The following SORCS2 variants were observed in gnomAD, a reference collection of about 807,000 sequenced individuals.
The protein encoded by SORCS2 is VPS10 domain-containing receptor SorCS2.
A neutral mutation model predicts 141.6 loss-of-function variants in SORCS2; 100 were observed. The ratio of observed to expected loss-of-function variants is 0.71; its 90% CI spans 0.60 to 0.83. The LOEUF (loss-of-function observed/expected upper bound fraction) is 0.83, where lower values mean the gene tolerates loss of function less well. Ranked by LOEUF, SORCS2 falls within the 40% of genes least tolerant of loss-of-function variation. SORCS2 has a pLI of 0.00. For synonymous variants in SORCS2, 789 were observed against 676.9 expected, an observed-to-expected ratio of 1.17 and a Z score of -2.57; for missense variants, 1,646 against 1,560.2, an observed-to-expected ratio of 1.05 and a Z score of -0.93.
intron 2 of SORCS2, among the ~76,000 whole-genome samples, chr4:7,509,861 G>C (rs1732508943): frequency 6.6e-6 from 1 of 152,202 alleles, no homozygotes. Context: ...GGGGTTGGGG[G>C]TGGCCCCTTT....
chr4:7,698,888 G>T (rs1724878141), intron 12 of SORCS2, among the ~76,000 whole-genome samples: 1 of 152,028 alleles, frequency 6.6e-6, no homozygotes, highest in South Asian at 2.1e-4. Context: ...GGCTGAGGAG[G>T]AAGGATGTCC....
intron 3 of SORCS2, among the ~76,000 whole-genome samples, chr4:7,634,755 G>A (rs1720134896): frequency 6.6e-6 from 1 of 152,188 alleles, no homozygotes; most frequent in African/African-American, 2.4e-5. Flanking sequence ...GGGAGGGTCT[G>A]ACACGCAGGA....
At chr4:7,622,940 G>C (rs1719298796) in intron 3 of SORCS2, among the ~76,000 whole-genome samples, 1 of 152,026 alleles carries the variant, frequency 6.6e-6, no homozygotes. Context: ...TCTGCTCTGG[G>C]GTCCGCCCTG....
At chr4:7,582,556 T>A (rs1716228432) in intron 3 of SORCS2, among the ~76,000 whole-genome samples, 1 of 152,188 alleles carries the variant, frequency 6.6e-6, no homozygotes, top group Non-Finnish European at 1.5e-5. Flanking sequence ...GATGACCTGC[T>A]TCTGGCTCGG....
intron 2 of SORCS2, among the ~76,000 whole-genome samples, chr4:7,497,087 C>T (rs1731676738): frequency 6.6e-6 from 1 of 152,226 alleles, no homozygotes; most frequent in African/African-American, 2.4e-5. Context: ...AACTGAGGGT[C>T]AGAGTGGCAA....
chr4:7,661,868 G>A (rs942296539), intron 6 of SORCS2, among the ~76,000 whole-genome samples: 1 of 152,048 alleles, frequency 6.6e-6, no homozygotes, highest in African/African-American at 2.4e-5. Flanking sequence ...TGGAGGTGGG[G>A]GGCGGGGGTG....
intron 2 of SORCS2, among the ~76,000 whole-genome samples, chr4:7,474,119 C>A (rs371959598): frequency 2.6e-5 from 4 of 152,156 alleles, no homozygotes; most frequent in Non-Finnish European, 5.9e-5. Context: ...TGCTCACCCC[C>A]GTGTCTCCAG....
At chr4:7,415,144 TG>T (rs1487129883) in intron 2 of SORCS2, among the ~76,000 whole-genome samples, 3 of 152,146 alleles carry the variant, frequency 2.0e-5, no homozygotes, top group African/African-American at 7.2e-5. Context: ...CCTTGGTAAG[TG>T]CATAGGCTGG....
At chr4:7,389,208 G>C (rs1395369101) in intron 1 of SORCS2, among the ~76,000 whole-genome samples, 1 of 152,224 alleles carries the variant, frequency 6.6e-6, no homozygotes, top group African/African-American at 2.4e-5. Context: ...CTTCGTCCAT[G>C]TTGGCTGGCG....
At position 7,380,273 on chromosome 4, in the gene SORCS2, C is replaced by T. The variant is rs1722904936; in HGVS notation, c.481-16015C>T. Reference sequence around the variant, plus strand: ...CTTGTCTGGGGGCCCCAAGAGGTGTCTGGCTTTAAACAAGTAACATTCACA... The same window carrying T: ...CTTGTCTGGGGGCCCCAAGAGGTGTTTGGCTTTAAACAAGTAACATTCACA... On this transcript the variant is annotated intron_variant, in intron 1 of 26. Coordinates refer to ENST00000507866, the MANE Select transcript of SORCS2 (RefSeq NM_020777.3). Among the ~76,000 whole-genome samples, 2 of 152,254 alleles carry T rather than the reference C, an allele frequency of 1.3e-5. 1 individual carries two copies. Among genetic ancestry groups the T allele is most frequent in the Middle Eastern group, 6.8e-3 (2 of 294 alleles).
chr4:7,596,478 T>G (rs1162963271), intron 3 of SORCS2, among the ~76,000 whole-genome samples: 1 of 152,196 alleles, frequency 6.6e-6, no homozygotes, highest in African/African-American at 2.4e-5. Flanking sequence ...AAATGCTGTT[T>G]AATTAGCAGG....
At chr4:7,439,174 G>C (rs1008723717) in intron 2 of SORCS2, among the ~76,000 whole-genome samples, 1 of 146,162 alleles carries the variant, frequency 6.8e-6, no homozygotes, top group African/African-American at 2.5e-5. Flanking sequence ...AGGAAGGAAG[G>C]AAGGAGTTTG....
intron 3 of SORCS2, among the ~76,000 whole-genome samples, chr4:7,554,909 G>A (rs936641980): frequency 6.6e-6 from 1 of 152,196 alleles, no homozygotes; most frequent in Admixed American, 6.5e-5. Flanking sequence ...GAGTTCTCAG[G>A]AGAGCTGAGG....
At chr4:7,285,690 C>G (rs1452756927) in intron 1 of SORCS2, among the ~76,000 whole-genome samples, 1 of 152,232 alleles carries the variant, frequency 6.6e-6, no homozygotes, top group Non-Finnish European at 1.5e-5. Context: ...TTCCTGGGGC[C>G]TCGTTCTTCC....
At chr4:7,321,279 C>A (rs957098433) in intron 1 of SORCS2, among the ~76,000 whole-genome samples, 5 of 152,156 alleles carry the variant, frequency 3.3e-5, no homozygotes, top group African/African-American at 1.2e-4. Context: ...CAATTTTATT[C>A]CTTTTTATGG....
intron 2 of SORCS2, among the ~76,000 whole-genome samples, chr4:7,514,021 G>A (rs1732825583): frequency 6.6e-6 from 1 of 152,160 alleles, no homozygotes; most frequent in Non-Finnish European, 1.5e-5. Flanking sequence ...GCCTGTTTGG[G>A]CATCGTGCGT....
chr4:7,687,027 G>A (rs1349206264), intron 10 of SORCS2, among the ~76,000 whole-genome samples: 2 of 152,218 alleles, frequency 1.3e-5, no homozygotes, highest in Non-Finnish European at 2.9e-5. Flanking sequence ...GCTAGGGTTT[G>A]TGAAGCAGCA....
chr4:7,490,021 C>T (rs538239658), intron 2 of SORCS2, among the ~76,000 whole-genome samples: 1 of 152,196 alleles, frequency 6.6e-6, no homozygotes, highest in Non-Finnish European at 1.5e-5. Flanking sequence ...CTAGAAAGAT[C>T]TCCAGACAAC....
rs1712677227 is a variant in SORCS2 at position 7,741,557 on chromosome 4, C to G, written c.*1293C>G. ...GATCTCAGATGACCGTGGCCTCCCT[C>G]TCAGAGGGGGAGAACGCCAGAGCCC... On this transcript the variant is annotated 3_prime_UTR_variant, in exon 27 of 27. Coordinates refer to ENST00000507866, the MANE Select transcript of SORCS2 (RefSeq NM_020777.3). 1 of 294,612 alleles carries G rather than the reference C, an allele frequency of 3.4e-6. No homozygotes were observed. The allele number at this position is 294,612 out of a possible 1,614,324, so 18.2% of individuals were successfully genotyped here.
Sources: allele counts gnomAD v4.1 joint callset (sites outside exome capture counted in the v4.1 genomes callset), GRCh38; gene constraint gnomAD v4.1.1; transcripts MANE v1.5; gene names NCBI Gene and HGNC (gene_info 2026-07-23, HGNC 2026-07-21).